Variants in PPEF1 observed in about 807,000 individuals in gnomAD.
PPEF1 encodes serine/threonine-protein phosphatase with EF-hands 1.
A neutral mutation model predicts 53.3 loss-of-function variants in PPEF1; 12 were observed. That is an observed-to-expected ratio of 0.23 (90% confidence interval 0.14 to 0.36). The LOEUF (loss-of-function observed/expected upper bound fraction) is 0.36. Ranked by LOEUF, PPEF1 falls within the 10% of genes least tolerant of loss-of-function variation. PPEF1 has a pLI of 1.00. For synonymous variants in PPEF1, 165 were observed against 176.7 expected, an observed-to-expected ratio of 0.93 and a Z score of 0.52; for missense variants, 334 against 490.4, an observed-to-expected ratio of 0.68 and a Z score of 3.01.
At chrX:18,708,726 A>G (rs1430470833) in intron 1 of PPEF1, among the ~76,000 whole-genome samples, 1 of 111,860 alleles carries the variant, frequency 8.9e-6, no homozygotes, top group African/African-American at 3.2e-5. Context: ...TCTCCTACCC[A>G]GCTGACTTGT....
intron 2 of PPEF1, among the ~76,000 whole-genome samples, chrX:18,685,464 T>C (rs1929033017): frequency 9.0e-6 from 1 of 110,834 alleles, no homozygotes; most frequent in South Asian, 3.8e-4. Flanking sequence ...GGAGGGTGGA[T>C]CACGAGGTCA....
chrX:18,729,535 T>G (rs1320065683), intron 1 of PPEF1, among the ~76,000 whole-genome samples: 3 of 112,357 alleles, frequency 2.7e-5, no homozygotes, highest in African/African-American at 9.7e-5. Context: ...ACTATGTTTT[T>G]AAGACCTACT....
At chrX:18,742,576 C>T (rs12833720) in intron 3 of PPEF1, among the ~76,000 whole-genome samples, 33 of 111,323 alleles carry the variant, frequency 3.0e-4, no homozygotes, top group Non-Finnish European at 4.7e-4. Context: ...GGTTACCTCT[C>T]GGCCAGGTGC....
intron 3 of PPEF1, chrX:18,688,695 T>C (rs1159349905): frequency 8.9e-6 from 1 of 112,514 alleles, no homozygotes; most frequent in Non-Finnish European, 1.9e-5. Flanking sequence ...TTTGTTTTGG[T>C]CTTACTACTG....
chrX:18,708,244 A>G (rs2044244833), intron 1 of PPEF1, among the ~76,000 whole-genome samples: 1 of 112,148 alleles, frequency 8.9e-6, no homozygotes, highest in African/African-American at 3.2e-5. Flanking sequence ...TTCTATATCT[A>G]TTCAACACAG....
chrX:18,744,586 T>C (rs2045281161), intron 3 of PPEF1, among the ~76,000 whole-genome samples: 1 of 111,429 alleles, frequency 9.0e-6, no homozygotes, highest in African/African-American at 3.3e-5. Flanking sequence ...TGTGTGGAAG[T>C]GTTGTTTTCA....
upstream of PPEF1, among the ~76,000 whole-genome samples, chrX:18,707,168 G>A (rs542779189): frequency 3.2e-4 from 35 of 110,936 alleles, no homozygotes; most frequent in South Asian, 0.012. Context: ...CTTATTCCGC[G>A]AAATACTGTC....
chrX:18,775,199 T>C (rs968527068), intron 6 of PPEF1, among the ~76,000 whole-genome samples: 9 of 105,427 alleles, frequency 8.5e-5, no homozygotes, highest in African/African-American at 2.4e-4. Flanking sequence ...TCTAGTTACC[T>C]TTAACCCATT....
chrX:18,723,008 G>A (rs111709266), intron 1 of PPEF1, among the ~76,000 whole-genome samples: 24 of 107,701 alleles, frequency 2.2e-4, no homozygotes, highest in African/African-American at 7.5e-4. Context: ...TTTTTGTGAC[G>A]GAGTCTCGCT....
chrX:18,770,309 C>G (rs1306038837), intron 6 of PPEF1, among the ~76,000 whole-genome samples: 3 of 111,300 alleles, frequency 2.7e-5, no homozygotes, highest in Admixed American at 9.7e-5. Flanking sequence ...GATTCAAACC[C>G]AAACTATATA....
intron 1 of PPEF1, among the ~76,000 whole-genome samples, chrX:18,715,256 G>C (rs979141844): frequency 9.0e-6 from 1 of 110,579 alleles, no homozygotes; most frequent in Non-Finnish European, 1.9e-5. Flanking sequence ...AAAAGACCAG[G>C]CACAGTGGCT....
At chrX:18,820,745 T>A (rs1009614621) in intron 13 of PPEF1, among the ~76,000 whole-genome samples, 26 of 111,367 alleles carry the variant, frequency 2.3e-4, no homozygotes, top group Non-Finnish European at 4.7e-4. Flanking sequence ...GAATGCATAT[T>A]CTTATCAAGC....
intron 10 of PPEF1, among the ~76,000 whole-genome samples, chrX:18,797,953 C>T (rs2046465829): frequency 9.0e-6 from 1 of 111,265 alleles, no homozygotes; most frequent in South Asian, 3.8e-4. Flanking sequence ...CTCGGCCTCC[C>T]AAAGTGCTGG....
intron 2 of PPEF1, 123 bp downstream of exon 2, chrX:18,730,431 C>T: frequency 6.5e-6 from 5 of 768,262 alleles, no homozygotes; most frequent in Non-Finnish European, 7.4e-6. Flanking sequence ...TTTAATAGAG[C>T]ATGTCATGAC....
chrX:18,783,848 A>G, intron 8 of PPEF1, 51 bp from the exon 9 acceptor site: 1 of 1,150,791 alleles, frequency 8.7e-7, no homozygotes, highest in Non-Finnish European at 1.2e-6. Context: ...GGACTATTCA[A>G]TAAACTGAAC....
intron 3 of PPEF1, among the ~76,000 whole-genome samples, chrX:18,743,276 A>G (rs1168872592): frequency 9.0e-6 from 1 of 110,777 alleles, no homozygotes; most frequent in African/African-American, 3.3e-5. Flanking sequence ...AACAAGCTAT[A>G]CTCTCACCAG....
At chrX:18,761,627 C>A in intron 6 of PPEF1, 51 bp downstream of exon 6, 2 of 940,327 alleles carry the variant, frequency 2.1e-6, no homozygotes, top group Non-Finnish European at 1.5e-6. Context: ...GGAGGGCAGT[C>A]TTAGGGCAGA....
upstream of PPEF1, among the ~76,000 whole-genome samples, chrX:18,704,293 G>A (rs1011353051): frequency 8.9e-6 from 1 of 111,829 alleles, no homozygotes; most frequent in African/African-American, 3.3e-5. Context: ...GCCCAAGCGA[G>A]ATTTGGATAC....
intron 6 of PPEF1, among the ~76,000 whole-genome samples, chrX:18,702,555 C>T (rs1008899392): frequency 1.0e-4 from 11 of 107,567 alleles, no homozygotes; most frequent in Non-Finnish European, 1.1e-4. Context: ...AAGAACAACT[C>T]GGGGAGGCTG....
Sources: allele counts gnomAD v4.1 joint callset (sites outside exome capture counted in the v4.1 genomes callset), GRCh38; gene constraint gnomAD v4.1.1; transcripts MANE v1.5; gene names NCBI Gene and HGNC (gene_info 2026-07-23, HGNC 2026-07-21).